The following AASDH variants were observed in gnomAD, a reference collection of about 807,000 sequenced individuals.
The protein encoded by AASDH is aminoadipate-semialdehyde dehydrogenase.
A neutral mutation model predicts 102.3 loss-of-function variants in AASDH; 81 were observed. That is an observed-to-expected ratio of 0.79 (90% CI 0.66 to 0.95). AASDH has a LOEUF of 0.95. Ranked by LOEUF, AASDH falls within the 40% of genes least tolerant of loss-of-function variation. The pLI is 0.00. For synonymous variants in AASDH, 398 were observed against 454.0 expected (o/e 0.88, Z 1.57); for missense variants, 1,203 against 1,266.2 (o/e 0.95, Z 0.76).
intron 5 of AASDH, among the ~76,000 whole-genome samples, chr4:56,364,632 A>C (rs990060026): frequency 8.5e-5 from 13 of 152,328 alleles, no homozygotes; most frequent in African/African-American, 3.1e-4. Context: ...TTCATAAGTG[A>C]AGGAGAAATA....
At chr4:56,368,972 G>A (rs918969636) in intron 5 of AASDH, among the ~76,000 whole-genome samples, 2 of 151,378 alleles carry the variant, frequency 1.3e-5, no homozygotes, top group South Asian at 2.1e-4. Flanking sequence ...GAAAAGGCAC[G>A]TGCCTCACAC....
intron 5 of AASDH, among the ~76,000 whole-genome samples, chr4:56,360,783 T>C (rs947014440): frequency 2.0e-4 from 31 of 152,314 alleles, no homozygotes; most frequent in African/African-American, 7.5e-4. Flanking sequence ...TGAATTTTAA[T>C]TCAGAAAAAT....
At chr4:56,379,944 A>C (rs1466890529) in intron 3 of AASDH, among the ~76,000 whole-genome samples, 1 of 152,196 alleles carries the variant, frequency 6.6e-6, no homozygotes, top group Non-Finnish European at 1.5e-5. Context: ...TACACTCAGC[A>C]CTAAGGAGTT....
chr4:56,339,255 G>A (rs960177392), intron 14 of AASDH, among the ~76,000 whole-genome samples: 4 of 151,886 alleles, frequency 2.6e-5, no homozygotes, highest in Non-Finnish European at 5.9e-5. Flanking sequence ...CCAGGTTGAA[G>A]CGCTTCTCCC....
chr4:56,383,150 G>A (rs1028454748), intron 2 of AASDH, among the ~76,000 whole-genome samples: 14 of 142,756 alleles, frequency 9.8e-5, no homozygotes, highest in South Asian at 6.7e-4. Flanking sequence ...ACTTAATATA[G>A]AGAAATACAA....
intron 11 of AASDH, 33 bp downstream of exon 11, chr4:56,349,230 T>C (rs1458257713): frequency 6.3e-7 from 1 of 1,599,562 alleles, no homozygotes. Flanking sequence ...GTAATTCAAT[T>C]TAACTCCACA....
At chr4:56,360,827 T>C (rs1214376974) in intron 5 of AASDH, among the ~76,000 whole-genome samples, 2 of 152,202 alleles carry the variant, frequency 1.3e-5, no homozygotes, top group African/African-American at 4.8e-5. Flanking sequence ...AACATTTACA[T>C]AGTAGAATGA....
chr4:56,357,053 T>C (rs1249562495), intron 5 of AASDH: 1 of 315,504 alleles, frequency 3.2e-6, no homozygotes, highest in Admixed American at 4.1e-5. Flanking sequence ...TATTGAGATA[T>C]AACTGACATA....
chr4:56,350,438 A>G (rs1481699159), intron 10 of AASDH, among the ~76,000 whole-genome samples: 2 of 152,132 alleles, frequency 1.3e-5, no homozygotes, highest in Admixed American at 6.5e-5. Context: ...TGGGCAACAG[A>G]GTGAATCTCC....
rs1263989049 is a variant in AASDH, at chr4:56,356,319, T to G, written c.862-896A>C. On this transcript the variant is annotated intron_variant, in intron 5 of 14. Coordinates refer to ENST00000205214, the MANE Select transcript of AASDH (RefSeq NM_181806.4). ...GTGAAATAGCCCTGCTCTATCAGGT[T>G]GCAGCGGCAGAGAGCCATCCCTCAA... 2.1e-6 allele frequency: 3 copies of G among 1,422,478 alleles called. No homozygotes were observed. In the African/African-American group the frequency reaches 4.3e-5, roughly 20 times the overall value. 88.1% of individuals were successfully genotyped at this position (1,422,478 alleles called of 1,614,324 possible). A position where few individuals can be genotyped will look rare whatever the true frequency, so the allele number is the denominator to read the frequency against.
chr4:56,356,824 G>A, intron 5 of AASDH: 3 of 789,352 alleles, frequency 3.8e-6, no homozygotes, highest in Non-Finnish European at 6.6e-6. Flanking sequence ...CAGATACGAT[G>A]AGATCCACCG....
intron 14 of AASDH, among the ~76,000 whole-genome samples, chr4:56,339,150 TTTATTA>T (rs1212147994): frequency 6.7e-6 from 1 of 148,386 alleles, no homozygotes; most frequent in Non-Finnish European, 1.5e-5. Context: ...TTAATTTTTA[TTTATTA>T]TTATTATTTT....
Position 56,338,742 on chromosome 4 carries a change from G to A in AASDH, c.2957C>T (p.Ser986Leu), listed in dbSNP as rs758190607. The change falls in exon 15 of 15, where the codon TCA becomes TTA. Residue 986 changes from serine to leucine, a missense_variant. Ser to Leu is a moderately radical substitution (Grantham distance 145). Coordinates refer to ENST00000205214, the MANE Select transcript of AASDH (RefSeq NM_181806.4). ...AAAAAATATTTTTTGCTCTGATGGT[G>A]AGGTACACGGGGATGAAAAGATTGG... ...SGPIFSSPCT[S>L]PSEQKIFFGS... 4 of 1,614,160 alleles carry A rather than the reference G, an allele frequency of 2.5e-6. No homozygotes were observed. The South Asian group carries it at 3.3e-5, about 13-fold the overall frequency.
chr4:56,343,168 T>C (rs1317132610), intron 13 of AASDH, among the ~76,000 whole-genome samples: 1 of 152,042 alleles, frequency 6.6e-6, no homozygotes, highest in South Asian at 2.1e-4. Context: ...AGGCTTGCAA[T>C]AAAAGCAGCA....
chr4:56,350,922 A>G, intron 10 of AASDH, among the ~76,000 whole-genome samples: 1 of 152,236 alleles, frequency 6.6e-6, no homozygotes, highest in Admixed American at 6.5e-5. Context: ...AACTCTCTCA[A>G]GTAGAAATAA....
Position 56,353,507 on chromosome 4 carries a change from A to C in AASDH, c.1473T>G (p.Ala491=). The change falls in exon 9 of 15, where the codon GCT becomes GCG. Residue 491 remains alanine, a synonymous_variant. Transcript: ENST00000205214. ...KLILFMVSKD[A]SVKEYIFKEL... The stretch of plus-strand genomic sequence containing the variant: ...CTTTAAAGATGTATTCTTTTACTGA[A>C]GCATCTTTAGACACCATGAAGAGAA... The C allele has an allele frequency of 6.2e-7, 1 of 1,613,784 alleles. No homozygotes were observed. Among genetic ancestry groups the C allele is most frequent in the Non-Finnish European group, 8.5e-7 (1 of 1,179,886 alleles).
intron 1 of AASDH, among the ~76,000 whole-genome samples, chr4:56,386,873 A>C (rs997482003): frequency 1.3e-5 from 2 of 151,942 alleles, no homozygotes; most frequent in Non-Finnish European, 2.9e-5. Flanking sequence ...TAAAAGGAAT[A>C]AATTTACTTG....
At chr4:56,340,915 A>C (rs1298025062) in intron 14 of AASDH, among the ~76,000 whole-genome samples, 1 of 152,240 alleles carries the variant, frequency 6.6e-6, no homozygotes, top group Non-Finnish European at 1.5e-5. Flanking sequence ...TATATGAAAA[A>C]AACACTCAAC....
chr4:56,371,472 A>T lies in AASDH; in HGVS notation c.840T>A (p.His280Gln). 1 of 1,611,896 alleles carries T rather than the reference A, an allele frequency of 6.2e-7. No homozygotes were observed. The highest frequency in any genetic ancestry group is 8.5e-7 in the Non-Finnish European group (1 of 1,179,588). Residue 280 changes from histidine (H) to glutamine (Q), a missense_variant, in exon 5 of 15, where the codon CAT (histidine) becomes CAA (glutamine). Physicochemically the swap from His to Gln is conservative, Grantham distance 24. Coordinates refer to ENST00000205214, the MANE Select transcript of AASDH (RefSeq NM_181806.4). Reference protein sequence around the residue: ...PSKLASVLFSHHRVTVLQATP... With the variant: ...PSKLASVLFSQHRVTVLQATP... ...GTACCTGCAAAACAGTCACTCTATG[A>T]TGGGAAAAGAGAACGCTGGCTAATT...
Sources: gnomAD v4.1 joint callset for allele counts (sites outside exome capture counted in the v4.1 genomes callset) on GRCh38, gnomAD v4.1.1 for gene constraint, MANE v1.5 for transcripts, NCBI Gene and HGNC (gene_info 2026-07-23, HGNC 2026-07-21) for gene names.